RBBP8NL: variants seen among roughly 807,000 people sequenced by gnomAD.
RBBP8NL encodes RBBP8 N-terminal like.
RBBP8NL carries 59 observed loss-of-function variants against 62.2 expected under a neutral mutation model. The observed-to-expected ratio is 0.95, with a 90% confidence interval of 0.77 to 1.18. RBBP8NL has a LOEUF of 1.18. RBBP8NL is among the 50% of genes most tolerant of loss of function. The pLI is 0.00. For synonymous variants in RBBP8NL, 412 were observed against 394.1 expected (o/e 1.05, Z -0.54); for missense variants, 896 against 899.5 (o/e 1.00, Z 0.05).
intron 1 of RBBP8NL, among the ~76,000 whole-genome samples, chr20:62,425,898 A>ACAGCAG (rs772277975): frequency 6.6e-6 from 1 of 151,148 alleles, no homozygotes; most frequent in Admixed American, 6.6e-5. Context: ...TGGCAGTGGC[A>ACAGCAG]TAGCAGTGGC....
intron 1 of RBBP8NL, among the ~76,000 whole-genome samples, chr20:62,420,985 C>G (rs1393720750): frequency 6.6e-6 from 1 of 152,262 alleles, no homozygotes; most frequent in Non-Finnish European, 1.5e-5. Flanking sequence ...GCCTGGAGAG[C>G]TCCCAGGCAG....
At position 62,414,186 on chromosome 20, in the gene RBBP8NL, G is replaced by T. The variant is rs1425593038; in HGVS notation, c.1165C>A (p.Pro389Thr). Residue 389 changes from proline (P) to threonine (T), a missense_variant, in exon 10 of 14, where the codon CCA (proline) becomes ACA (threonine). By Grantham distance (38) the Pro-to-Thr change is conservative. Coordinates refer to ENST00000252998, the MANE Select transcript of RBBP8NL (RefSeq NM_080833.3). ...PTPGEMLPSLPVGSDSEGPEN... is the reference protein window; with the variant it reads ...PTPGEMLPSLTVGSDSEGPEN... ...GGGCCCTCAGAGTCTGAGCCGACTGGTAGGGAGGGCAGCATCTCCCCGGGT... is the reference window on the plus strand; with the variant it reads ...GGGCCCTCAGAGTCTGAGCCGACTGTTAGGGAGGGCAGCATCTCCCCGGGT... 1 of 1,609,606 alleles carries T rather than the reference G, an allele frequency of 6.2e-7. No homozygotes were observed. Among genetic ancestry groups the T allele is most frequent in the Non-Finnish European group, 8.5e-7 (1 of 1,179,254 alleles).
At chr20:62,416,490 A>C (rs1988569273) in intron 5 of RBBP8NL, among the ~76,000 whole-genome samples, 1 of 152,220 alleles carries the variant, frequency 6.6e-6, no homozygotes, top group Non-Finnish European at 1.5e-5. Context: ...TCAGCACTGC[A>C]GGACCTTCCG....
intron 5 of RBBP8NL, 57 bp from the exon 6 acceptor site, chr20:62,416,293 G>GTGGGGGGGGACGGGGGCGGGGT: frequency 1.4e-6 from 1 of 701,050 alleles, no homozygotes; most frequent in Non-Finnish European, 2.5e-6. Context: ...AGGGGCAGGG[G>GTGGGGGGGGACGGGGGCGGGGT]TGGGGTCGTC....
rs1212877393 is a variant in RBBP8NL, at chr20:62,415,350, A to G, written c.628-63T>C. 5.3e-6 allele frequency: 8 copies of G among 1,503,940 alleles called. No individual in the cohort carries two copies. The Admixed American group carries it at 8.0e-5, about 15-fold the overall frequency. 93.2% of individuals were successfully genotyped at this position (1,503,940 alleles called of 1,614,324 possible). A position where few individuals can be genotyped will look rare whatever the true frequency, so the allele number is the denominator to read the frequency against. The stretch of plus-strand genomic sequence containing the variant: ...CGTGGCCTCTGCTGTGGCCTCTGCC[A>G]TAGCCTCTGCTGCCTGCCCTGGGCT... On this transcript the variant is annotated intron_variant, in intron 8 of 13. Transcript: ENST00000252998.
At chr20:62,415,482 G>A (rs1045086669) in intron 8 of RBBP8NL, 96 bp downstream of exon 8, 60 of 1,434,354 alleles carry the variant, frequency 4.2e-5, no homozygotes, top group Middle Eastern at 4.6e-4. Flanking sequence ...AGGGTTAGGC[G>A]CATGAGAGGC....
intron 3 of RBBP8NL, among the ~76,000 whole-genome samples, chr20:62,417,949 G>A (rs902878067): frequency 1.9e-5 from 2 of 102,680 alleles, no homozygotes; most frequent in South Asian, 3.8e-4. Flanking sequence ...TCATCTGCAC[G>A]CTCCTCTGTG....
intron 1 of RBBP8NL, among the ~76,000 whole-genome samples, chr20:62,422,809 T>TC (rs1988736660): frequency 6.6e-6 from 1 of 152,036 alleles, no homozygotes; most frequent in South Asian, 2.1e-4. Flanking sequence ...TGGCCTGTGT[T>TC]CGGGGGTGGC....
intron 1 of RBBP8NL, among the ~76,000 whole-genome samples, chr20:62,421,029 T>C (rs1336415647): frequency 6.7e-6 from 1 of 148,762 alleles, no homozygotes; most frequent in Non-Finnish European, 1.5e-5. Flanking sequence ...GCGCTGTGAC[T>C]GTCTGTCTGT....
At position 62,415,147 on chromosome 20, in the gene RBBP8NL, C is replaced by T. The variant is rs927670597; in HGVS notation, c.768G>A (p.Ala256=). The part of the protein sequence containing the change: ...LPARSSPPSP[A]YERGLSLDSF... ...TGTCCAGGGAGAGGCCACGCTCATA[C>T]GCTGGGCTGGGTGGGCTGCTCCTGG... The change falls in exon 9 of 14, where the codon GCG becomes GCA. Residue 256 remains alanine, a synonymous_variant. Transcript: ENST00000252998. 21 of 1,504,550 alleles carry T rather than the reference C, an allele frequency of 1.4e-5. No homozygotes were observed. Among genetic ancestry groups the T allele is most frequent in the Admixed American group, 4.3e-5 (2 of 46,202 alleles). The allele number at this position is 1,504,550 out of a possible 1,614,324, so 93.2% of individuals were successfully genotyped here.
intron 6 of RBBP8NL, 52 bp downstream of exon 6, chr20:62,416,111 CG>C (rs1183340908): frequency 1.7e-5 from 26 of 1,551,550 alleles, no homozygotes; most frequent in Non-Finnish European, 2.1e-5. Flanking sequence ...GGGTGCTGCT[CG>C]GGGGGTGCTG....
In RBBP8NL at chr20:62,410,931, C is replaced by A; in HGVS notation, c.1942G>T (p.Asp648Tyr). The stretch of plus-strand genomic sequence containing the variant: ...GGGGAGGGACTGTGGTCCTCGGCGT[C>A]CCTTGGGCTCCCGGGCCCCTCAGTG... ...TATEGPGSPR[D>Y]AEDHSPSPNS... The change falls in exon 14 of 14, where the codon GAC becomes TAC. Residue 648 changes from aspartate (D) to tyrosine (Y), a missense_variant. By Grantham distance (160) the Asp-to-Tyr change is radical. Transcript: ENST00000252998. 6.2e-7 allele frequency: 1 copy of A among 1,613,710 alleles called. No individual in the cohort carries two copies. The highest frequency in any genetic ancestry group is 8.5e-7 in the Non-Finnish European group (1 of 1,179,934).
Position 62,422,259 on chromosome 20 carries a change from G to C in RBBP8NL, c.-83-2529C>G, listed in dbSNP as rs550651547. Among the ~76,000 whole-genome samples, 6 of 152,262 alleles carry C rather than the reference G, an allele frequency of 3.9e-5. No homozygotes were observed. In the South Asian group the frequency reaches 1.2e-3, roughly 32 times the overall value. On this transcript the variant is annotated intron_variant, in intron 1 of 13. Transcript: ENST00000252998. Reference sequence around the variant, plus strand: ...TCAGCCTGGAGACGCCCACGTGAGGGTCCTGTGTGCAACATCATTCTACAG... The same window carrying C: ...TCAGCCTGGAGACGCCCACGTGAGGCTCCTGTGTGCAACATCATTCTACAG...
intron 5 of RBBP8NL, among the ~76,000 whole-genome samples, 188 bp downstream of exon 5, chr20:62,416,572 G>C (rs1988571333): frequency 6.6e-6 from 1 of 152,206 alleles, no homozygotes; most frequent in African/African-American, 2.4e-5. Flanking sequence ...GCTGTGTTGA[G>C]GGAGGGCCAC....
At chr20:62,412,526 A>G in intron 13 of RBBP8NL, 98 bp downstream of exon 13, 1 of 1,460,582 alleles carries the variant, frequency 6.8e-7, no homozygotes, top group Non-Finnish European at 9.3e-7. Context: ...TGAGGCTGCC[A>G]TTCTCCAGGC....
intron 3 of RBBP8NL, 122 bp from the exon 4 acceptor site, chr20:62,417,441 C>G: frequency 7.0e-6 from 5 of 711,004 alleles, no homozygotes; most frequent in Non-Finnish European, 9.4e-6. Flanking sequence ...GGGGGCAACG[C>G]CTAACCCGGT....
chr20:62,416,331 G>A (rs1601487524), intron 5 of RBBP8NL, 95 bp from the exon 6 acceptor site: 1 of 1,148,442 alleles, frequency 8.7e-7, no homozygotes, highest in African/African-American at 1.5e-5. Context: ...CCTCAGCAGT[G>A]CCCCCAGCAC....
Position 62,410,713 on chromosome 20 carries a change from CAG to C in RBBP8NL, c.*163_*164del. ...CCCTCTCCAGGCTGTGGTGAGCAGG[CAG>C]AGAGCTGCCCTGGGCTCACTGTGGG... On this transcript the variant is annotated 3_prime_UTR_variant, in exon 14 of 14. Coordinates refer to ENST00000252998, the MANE Select transcript of RBBP8NL (RefSeq NM_080833.3). 1.6e-6 allele frequency: 1 copy of C among 642,512 alleles called. No homozygotes were observed. The highest frequency in any genetic ancestry group is 2.8e-6 in the Non-Finnish European group (1 of 362,798). The allele number at this position is 642,512 out of a possible 1,614,324, so 39.8% of individuals were successfully genotyped here.
chr20:62,414,467 G>A lies in RBBP8NL; in HGVS notation c.884C>T (p.Pro295Leu). The change falls in exon 10 of 14, where the codon CCC (proline) becomes CTC (leucine). Residue 295 changes from proline to leucine, a missense_variant. Pro to Leu is a moderately conservative substitution (Grantham distance 98). Transcript: ENST00000252998. The part of the protein sequence containing the change: ...KVDRLCLLNR[P>L]LSLHLQSPHS... Reference sequence around the variant, plus strand: ...GGGGCTCTGAAGGTGCAGGGACAGGGGGCGGTTTAGGAGGCAGAGCCGGTC... The same window carrying A: ...GGGGCTCTGAAGGTGCAGGGACAGGAGGCGGTTTAGGAGGCAGAGCCGGTC... The A allele has an allele frequency of 2.0e-6, 3 of 1,483,552 alleles. No homozygotes were observed. The highest frequency in any genetic ancestry group is 2.7e-6 in the Non-Finnish European group (3 of 1,113,610). The allele number at this position is 1,483,552 out of a possible 1,614,324, so 91.9% of individuals were successfully genotyped here. A position where few individuals can be genotyped will look rare whatever the true frequency, so the allele number is the denominator to read the frequency against.
Sources: gnomAD v4.1 joint callset for allele counts (sites outside exome capture counted in the v4.1 genomes callset) on GRCh38, gnomAD v4.1.1 for gene constraint, MANE v1.5 for transcripts, NCBI Gene and HGNC (gene_info 2026-07-23, HGNC 2026-07-21) for gene names.